Variants in MDGA2 observed in about 807,000 individuals in gnomAD.
MDGA2 encodes the protein MAM domain-containing glycosylphosphatidylinositol anchor protein 2.
A neutral mutation model predicts 117.8 loss-of-function variants in MDGA2; 40 were observed. That is an observed-to-expected ratio of 0.34 (90% CI 0.26 to 0.44). The LOEUF is 0.44. MDGA2 is among the 20% of genes least tolerant of loss of function. The probability of loss-of-function intolerance (pLI) is 1.00; values close to 1 mark genes in which losing one functional copy is unlikely to be tolerated. For missense variants in MDGA2, 1,123 were observed against 1,250.6 expected, an observed-to-expected ratio of 0.90 and a Z score of 1.54; for synonymous variants, 452 against 439.0, an observed-to-expected ratio of 1.03 and a Z score of -0.37.
At chr14:47,115,922 G>C (rs1881304802) in intron 5 of MDGA2, among the ~76,000 whole-genome samples, 1 of 152,076 alleles carries the variant, frequency 6.6e-6, no homozygotes, top group Non-Finnish European at 1.5e-5. Flanking sequence ...AGTAGTGTTA[G>C]TCCCAGCCAG....
chr14:47,389,988 G>A (rs556210220), intron 1 of MDGA2, among the ~76,000 whole-genome samples: 1 of 152,208 alleles, frequency 6.6e-6, no homozygotes, highest in East Asian at 1.9e-4. Context: ...TACAAATAGA[G>A]GCTACCCATG....
At chr14:47,633,446 A>C (rs1237370386) in intron 1 of MDGA2, among the ~76,000 whole-genome samples, 1 of 152,188 alleles carries the variant, frequency 6.6e-6, no homozygotes. Flanking sequence ...TAAGTGTGTA[A>C]ATTGAACCAT....
Position 47,103,562 on chromosome 14 carries a change from T to C in MDGA2, c.926-6439A>G, listed in dbSNP as rs575224209. On this transcript the variant is annotated intron_variant, in intron 5 of 16. Coordinates refer to ENST00000399232, the MANE Select transcript of MDGA2 (RefSeq NM_001113498.3). ...ATAACAATATTTGAAATTGTATTCA[T>C]AAACAGTTTTTAATGTAGGAGTAAA... Among the ~76,000 whole-genome samples the C allele has an allele frequency of 1.6e-4, 24 of 152,358 alleles. No individual in the cohort carries two copies. The South Asian group carries it at 5.0e-3, about 32-fold the overall frequency.
intron 1 of MDGA2, among the ~76,000 whole-genome samples, chr14:47,637,038 A>C: frequency 6.6e-6 from 1 of 152,200 alleles, no homozygotes; most frequent in East Asian, 1.9e-4. Flanking sequence ...AAAGTGCATA[A>C]GTATTTACAA....
At chr14:46,934,007 AAGTTT>A (rs911310110) in intron 9 of MDGA2, among the ~76,000 whole-genome samples, 2 of 151,556 alleles carry the variant, frequency 1.3e-5, no homozygotes, top group Admixed American at 6.6e-5. Context: ...TTCTCAAAAT[AAGTTT>A]AGTTAAGAAT....
At chr14:47,341,553 T>C (rs952961985) in intron 1 of MDGA2, among the ~76,000 whole-genome samples, 1 of 152,216 alleles carries the variant, frequency 6.6e-6, no homozygotes, top group East Asian at 1.9e-4. Context: ...CAAGAAAATC[T>C]GAAAATAGGA....
chr14:47,252,117 G>T (rs1887467886), intron 2 of MDGA2, among the ~76,000 whole-genome samples: 5 of 151,912 alleles, frequency 3.3e-5, no homozygotes, highest in Admixed American at 3.3e-4. Context: ...TAAAATAGTG[G>T]TCACTTTTTA....
intron 7 of MDGA2, chr14:47,058,731 G>A (rs1889771289): frequency 2.0e-6 from 2 of 985,266 alleles, no homozygotes; most frequent in Non-Finnish European, 2.4e-6. Context: ...AACATCAAAG[G>A]TCAGTTTTGG....
chr14:46,978,828 T>A (rs948920958), intron 8 of MDGA2, among the ~76,000 whole-genome samples: 1 of 152,174 alleles, frequency 6.6e-6, no homozygotes, highest in African/African-American at 2.4e-5. Flanking sequence ...TTATGGTAAC[T>A]ACATTTTTCT....
chr14:47,169,978 A>G (rs896379704), intron 3 of MDGA2, among the ~76,000 whole-genome samples: 1 of 152,154 alleles, frequency 6.6e-6, no homozygotes, highest in Non-Finnish European at 1.5e-5. Context: ...CAGTCAGGCC[A>G]AGACAATACG....
intron 1 of MDGA2, among the ~76,000 whole-genome samples, chr14:47,541,495 T>C (rs1469355879): frequency 2.0e-5 from 3 of 152,198 alleles, no homozygotes; most frequent in African/African-American, 7.2e-5. Context: ...AATGTTGCAG[T>C]TCTCTCTCTT....
In MDGA2 at chr14:46,882,256, G is replaced by A. The variant is rs184481700; in HGVS notation, c.2239-35C>T. On this transcript the variant is annotated intron_variant, in intron 10 of 16. Coordinates refer to ENST00000399232, the MANE Select transcript of MDGA2 (RefSeq NM_001113498.3). ...AAACAATAATAGAATAATGTTCCCA[G>A]TATGTTCTTCAGAGGTACTAAGAAA... 4.1e-3 allele frequency: 6,463 copies of A among 1,565,614 alleles called. 401 individuals carry two copies. The Admixed American group carries it at 0.11, about 27-fold the overall frequency.
chr14:47,540,536 G>GTATA (rs1555330653), intron 1 of MDGA2, among the ~76,000 whole-genome samples: 14 of 71,082 alleles, frequency 2.0e-4, no homozygotes, highest in African/African-American at 5.5e-4. Context: ...GTGTGTGTGT[G>GTATA]TGTGTATATA....
At chr14:47,139,053 C>T (rs1293515953) in intron 4 of MDGA2, among the ~76,000 whole-genome samples, 1 of 151,880 alleles carries the variant, frequency 6.6e-6, no homozygotes, top group Non-Finnish European at 1.5e-5. Flanking sequence ...AATGGGTATA[C>T]AAAATAGATA....
At chr14:47,510,935 C>G (rs557107227) in intron 1 of MDGA2, among the ~76,000 whole-genome samples, 4 of 152,216 alleles carry the variant, frequency 2.6e-5, no homozygotes, top group African/African-American at 9.6e-5. Context: ...TGGTACAGGC[C>G]TCATTAAGTA....
At chr14:47,256,019 T>C (rs1466920432) in intron 2 of MDGA2, among the ~76,000 whole-genome samples, 1 of 152,074 alleles carries the variant, frequency 6.6e-6, no homozygotes, top group Non-Finnish European at 1.5e-5. Flanking sequence ...GGAAGTTTGA[T>C]GCCCACCTCC....
At chr14:47,026,624 C>T (rs1356184239) in intron 8 of MDGA2, among the ~76,000 whole-genome samples, 3 of 151,780 alleles carry the variant, frequency 2.0e-5, no homozygotes, top group African/African-American at 7.3e-5. Context: ...CTTTGTGTTA[C>T]AGGGGAGATG....
At chr14:46,954,463 C>A (rs527584266) in intron 9 of MDGA2, among the ~76,000 whole-genome samples, 1 of 152,066 alleles carries the variant, frequency 6.6e-6, no homozygotes, top group Non-Finnish European at 1.5e-5. Context: ...GGCCAGGAGT[C>A]TGAAACCAAG....
At chr14:47,584,035 C>T (rs1375213891) in intron 1 of MDGA2, among the ~76,000 whole-genome samples, 1 of 151,750 alleles carries the variant, frequency 6.6e-6, no homozygotes, top group Non-Finnish European at 1.5e-5. Flanking sequence ...AAAGTAAGCA[C>T]CTAGCCAGTT....
Sources: allele counts gnomAD v4.1 joint callset (sites outside exome capture counted in the v4.1 genomes callset), GRCh38; gene constraint gnomAD v4.1.1; transcripts MANE v1.5; gene names NCBI Gene and HGNC (gene_info 2026-07-23, HGNC 2026-07-21).